The following ABCA4 variants were observed in gnomAD, a reference collection of about 807,000 sequenced individuals.
The protein encoded by ABCA4 is retinal-specific phospholipid-transporting ATPase ABCA4.
Under a neutral mutation model 263.7 loss-of-function variants are expected in ABCA4, and 196 were observed. The ratio of observed to expected loss-of-function variants is 0.74; its 90% CI spans 0.66 to 0.84. The LOEUF is 0.84. Ranked by LOEUF, ABCA4 falls within the 40% of genes least tolerant of loss-of-function variation. ABCA4 has a pLI of 0.00. For missense variants in ABCA4, 2,792 were observed against 2,855.1 expected, an observed-to-expected ratio of 0.98 and a Z score of 0.50; for synonymous variants, 1,133 against 1,094.2, an observed-to-expected ratio of 1.04 and a Z score of -0.70.
At position 94,027,366 on chromosome 1, in the gene ABCA4, GGCCAAGA is replaced by G. The variant is rs1414738840; in HGVS notation, c.4539+2072_4539+2078del. Among the ~76,000 whole-genome samples, 4 of 152,180 alleles carry G rather than the reference GGCCAAGA, an allele frequency of 2.6e-5. No homozygotes were observed. In the East Asian group the frequency reaches 7.7e-4, roughly 29 times the overall value. On this transcript the variant is annotated intron_variant, in intron 30 of 49. Coordinates refer to ENST00000370225, the MANE Select transcript of ABCA4 (RefSeq NM_000350.3). ...GGCTTGGCCTCCCCTCCCTCGCCCTGGCCAAGAGCTCAGGGTACAGTATCACAGCCTT... is the reference window on the plus strand; with the variant it reads ...GGCTTGGCCTCCCCTCCCTCGCCCTGGCTCAGGGTACAGTATCACAGCCTT...
chr1:94,011,709 C>T (rs573568524), intron 38 of ABCA4, among the ~76,000 whole-genome samples: 1 of 152,342 alleles, frequency 6.6e-6, no homozygotes, highest in Non-Finnish European at 1.5e-5. Context: ...ATCTTCTAAA[C>T]ATTTACTATG....
intron 31 of ABCA4, among the ~76,000 whole-genome samples, chr1:94,024,652 G>T (rs1228175390): frequency 6.6e-6 from 1 of 151,774 alleles, no homozygotes; most frequent in Non-Finnish European, 1.5e-5. Context: ...CTGCATTTTT[G>T]AATAACTTCT....
chr1:94,077,724 T>C lies in ABCA4; in HGVS notation c.1520A>G (p.Asp507Gly). The change falls in exon 11 of 50, where the codon GAT (aspartate) becomes GGT (glycine). Residue 507 changes from aspartate to glycine, a missense_variant. Physicochemically the swap from Asp to Gly is moderately conservative, Grantham distance 94. Coordinates refer to ENST00000370225, the MANE Select transcript of ABCA4 (RefSeq NM_000350.3). ...TTGATTGACCAGGCGGAGGGTGCGATCAGTGATGTTAAATATGTCCCTCCA... is the reference window on the plus strand; with the variant it reads ...TTGATTGACCAGGCGGAGGGTGCGACCAGTGATGTTAAATATGTCCCTCCA... ...FDWRDIFNIT[D>G]RTLRLVNQYL... 1.2e-6 allele frequency: 2 copies of C among 1,613,980 alleles called. No individual in the cohort carries two copies. Among genetic ancestry groups the C allele is most frequent in the Non-Finnish European group, 1.7e-6 (2 of 1,179,922 alleles).
intron 6 of ABCA4, among the ~76,000 whole-genome samples, chr1:94,087,715 A>G (rs1661868654): frequency 6.6e-6 from 1 of 152,210 alleles, no homozygotes; most frequent in Non-Finnish European, 1.5e-5. Flanking sequence ...CCTGGGGAGA[A>G]AAATGAAACC....
chr1:94,000,034 A>T (rs1659131065), intron 47 of ABCA4, among the ~76,000 whole-genome samples: 1 of 152,240 alleles, frequency 6.6e-6, no homozygotes, highest in Non-Finnish European at 1.5e-5. Flanking sequence ...ATATGAAAGG[A>T]TGACATCTTC....
In ABCA4 at chr1:94,098,939, G is replaced by T; in HGVS notation, c.623C>A (p.Ala208Asp). The T allele has an allele frequency of 6.2e-7, 1 of 1,613,006 alleles. No individual in the cohort carries two copies. The highest frequency in any genetic ancestry group is 2.2e-5 in the East Asian group (1 of 44,864). ...GAAGATGATGAAGCGCTCCAGGAGGGCCTCGCTGCAGGCGATGTCCTTCAG... is the reference window on the plus strand; with the variant it reads ...GAAGATGATGAAGCGCTCCAGGAGGTCCTCGCTGCAGGCGATGTCCTTCAG... ...LALKDIACSE[A>D]LLERFIIFSQ... Residue 208 changes from alanine to aspartate, a missense_variant, in exon 6 of 50, where the codon GCC becomes GAC. By Grantham distance (126) the Ala-to-Asp change is moderately radical (BLOSUM62 -2). Coordinates refer to ENST00000370225, the MANE Select transcript of ABCA4 (RefSeq NM_000350.3).
intron 3 of ABCA4, among the ~76,000 whole-genome samples, 171 bp from the exon 4 acceptor site, chr1:94,108,887 C>T (rs1662516238): frequency 6.6e-6 from 1 of 152,044 alleles, no homozygotes; most frequent in African/African-American, 2.4e-5. Flanking sequence ...ATTCTCCTGC[C>T]TCAGCCTCCC....
In ABCA4 at chr1:94,108,917, C is replaced by T. The variant is rs1054570681; in HGVS notation, c.303-201G>A. On this transcript the variant is annotated intron_variant, in intron 3 of 49. Transcript: ENST00000370225. Reference sequence around the variant, plus strand: ...CCTCCCGAGTAGCTGGGACTACAGGCGCCCGCCACCACACCCAGCTAATTT... The same window carrying T: ...CCTCCCGAGTAGCTGGGACTACAGGTGCCCGCCACCACACCCAGCTAATTT... Among the ~76,000 whole-genome samples, 63 of 151,976 alleles carry T rather than the reference C, an allele frequency of 4.1e-4. 1 individual carries two copies. Among genetic ancestry groups the T allele is most frequent in the Non-Finnish European group, 2.2e-4 (15 of 67,996 alleles).
chr1:94,036,328 T>C (rs1660334497), intron 26 of ABCA4, among the ~76,000 whole-genome samples: 1 of 151,130 alleles, frequency 6.6e-6, no homozygotes, highest in East Asian at 1.9e-4. Context: ...GGGAGTCAGA[T>C]ACTATGGAGG....
chr1:94,022,014 C>G, intron 32 of ABCA4, 63 bp from the exon 33 acceptor site: 2 of 1,392,338 alleles, frequency 1.4e-6, no homozygotes, highest in South Asian at 2.3e-5. Context: ...TAGTAGCTCT[C>G]TCGGGTTTTG....
At chr1:94,063,421 G>T (rs749742545) in intron 11 of ABCA4, 104 bp from the exon 12 acceptor site, 25 of 1,142,642 alleles carry the variant, frequency 2.2e-5, no homozygotes, top group Admixed American at 8.7e-5. Context: ...CCCAGGAAAT[G>T]GTCAAATGCA....
chr1:94,054,275 C>T (rs1660913032), intron 16 of ABCA4, among the ~76,000 whole-genome samples: 1 of 152,200 alleles, frequency 6.6e-6, no homozygotes. Context: ...CACATGCATG[C>T]TCTCTGGGCT....
chr1:94,045,713 C>A (rs1449133026), intron 19 of ABCA4: 1 of 455,758 alleles, frequency 2.2e-6, no homozygotes, highest in South Asian at 1.5e-5. Flanking sequence ...TAGAGGGAAA[C>A]AGAACCAATT....
intron 35 of ABCA4, 106 bp downstream of exon 35, chr1:94,021,134 A>T: frequency 6.6e-7 from 1 of 1,507,478 alleles, no homozygotes; most frequent in Non-Finnish European, 9.2e-7. Flanking sequence ...ACTAAACAGC[A>T]TTACCATCCA....
intron 4 of ABCA4, among the ~76,000 whole-genome samples, chr1:94,104,952 C>CGCACACACACACGCATGCACACACAT (rs1310824522): frequency 4.5e-4 from 68 of 152,294 alleles, no homozygotes; most frequent in Middle Eastern, 6.8e-3. Context: ...CCCCAACACA[C>CGCACACACACACGCATGCACACACAT]GCACACACAC....
chr1:94,119,127 T>G (rs2101186106), intron 1 of ABCA4, among the ~76,000 whole-genome samples: 1 of 152,340 alleles, frequency 6.6e-6, no homozygotes, highest in East Asian at 1.9e-4. Context: ...GAGATTATTT[T>G]TTGATAGAAG....
At chr1:94,061,150 T>G (rs1393254703) in intron 13 of ABCA4, among the ~76,000 whole-genome samples, 2 of 152,194 alleles carry the variant, frequency 1.3e-5, no homozygotes, top group Admixed American at 6.5e-5. Context: ...GGTGGAGGAC[T>G]GACAAGGGCA....
At chr1:94,034,770 A>G (rs1198754203) in intron 26 of ABCA4, among the ~76,000 whole-genome samples, 3 of 152,056 alleles carry the variant, frequency 2.0e-5, no homozygotes, top group African/African-American at 7.3e-5. Flanking sequence ...TGCCTGCTTC[A>G]TAAGATTACA....
In ABCA4 at chr1:94,037,269, A is replaced by G. The variant is rs749258281; in HGVS notation, c.3689T>C (p.Ile1230Thr). 1 of 1,614,140 alleles carries G rather than the reference A, an allele frequency of 6.2e-7. No homozygotes were observed. The highest frequency in any genetic ancestry group is 8.5e-7 in the Non-Finnish European group (1 of 1,180,054). ...KLVECIGQELIFLLPNKNFKH... is the reference protein window; with the variant it reads ...KLVECIGQELTFLLPNKNFKH... ...GAAGTTCTTATTTGGAAGAAGGAAG[A>G]TAAGTTCTTGACCAATGCACTCCAC... Residue 1230 changes from isoleucine (I) to threonine (T), a missense_variant, in exon 25 of 50, where the codon ATC becomes ACC. Ile to Thr is a moderately conservative substitution (Grantham distance 89, BLOSUM62 -1). Coordinates refer to ENST00000370225, the MANE Select transcript of ABCA4 (RefSeq NM_000350.3).
Sources: allele counts gnomAD v4.1 joint callset (sites outside exome capture counted in the v4.1 genomes callset), GRCh38; gene constraint gnomAD v4.1.1; transcripts MANE v1.5; gene names NCBI Gene and HGNC (gene_info 2026-07-23, HGNC 2026-07-21).